The following PCSK2 variants were observed in gnomAD, a reference collection of about 807,000 sequenced individuals.
PCSK2 encodes the protein proprotein convertase subtilisin/kexin type 2, also known as neuroendocrine convertase 2.
In PCSK2, 14 loss-of-function variants were observed where a neutral mutation model predicts 69.7. The ratio of observed to expected loss-of-function variants is 0.20; its 90% CI spans 0.13 to 0.31. The LOEUF is 0.31. Ranked by LOEUF, PCSK2 falls within the 10% of genes least tolerant of loss-of-function variation. The pLI is 1.00. For missense variants in PCSK2, 544 were observed against 842.5 expected (o/e 0.65, Z 4.39); for synonymous variants, 307 against 320.7 (o/e 0.96, Z 0.46).
At chr20:17,342,231 CATT>C (rs1408397676) in intron 2 of PCSK2, among the ~76,000 whole-genome samples, 2 of 152,224 alleles carry the variant, frequency 1.3e-5, no homozygotes, top group African/African-American at 4.8e-5. Flanking sequence ...TTCCAAGAAA[CATT>C]GTTGAGATGG....
intron 7 of PCSK2, among the ~76,000 whole-genome samples, chr20:17,431,087 G>A (rs1473660254): frequency 6.6e-6 from 1 of 152,054 alleles, no homozygotes; most frequent in African/African-American, 2.4e-5. Flanking sequence ...CAAGGATTCC[G>A]GGCAAGCAGT....
At chr20:17,454,724 T>C (rs2032886713) in intron 9 of PCSK2, among the ~76,000 whole-genome samples, 1 of 152,196 alleles carries the variant, frequency 6.6e-6, no homozygotes, top group African/African-American at 2.4e-5. Context: ...GGTGGTTCAG[T>C]AGTCATGCAT....
chr20:17,320,488 CA>C (rs1989830625), intron 2 of PCSK2, among the ~76,000 whole-genome samples: 1 of 152,204 alleles, frequency 6.6e-6, no homozygotes, highest in African/African-American at 2.4e-5. Flanking sequence ...GTTCCTCAGG[CA>C]GCACCAATGT....
intron 4 of PCSK2, among the ~76,000 whole-genome samples, chr20:17,361,892 C>T (rs370768065): frequency 6.8e-4 from 103 of 152,266 alleles, no homozygotes; most frequent in Middle Eastern, 3.4e-3. Flanking sequence ...CACACTTGTT[C>T]TTGAAAACTG....
rs900200517 is a variant in PCSK2 at position 17,300,907 on chromosome 20, A to G, written c.282+40563A>G. Among the ~76,000 whole-genome samples the G allele has an allele frequency of 2.0e-5, 3 of 152,312 alleles. No homozygotes were observed. In the East Asian group the frequency reaches 5.8e-4, roughly 29 times the overall value. On this transcript the variant is annotated intron_variant, in intron 2 of 11. Transcript: ENST00000262545. ...CAAAATTATATTACTCATAAAATAA[A>G]TTTGTATTTAGGAGAGGCATAATTT...
At chr20:17,440,384 C>A (rs1361590571) in intron 8 of PCSK2, among the ~76,000 whole-genome samples, 1 of 152,292 alleles carries the variant, frequency 6.6e-6, no homozygotes, top group East Asian at 1.9e-4. Context: ...TTTCTTAAAA[C>A]CTACAATGAA....
At chr20:17,409,759 C>G (rs2031829914) in intron 6 of PCSK2, among the ~76,000 whole-genome samples, 1 of 152,162 alleles carries the variant, frequency 6.6e-6, no homozygotes, top group South Asian at 2.1e-4. Context: ...CATAACAGCT[C>G]ATGGAGTCCC....
chr20:17,383,107 C>G (rs1171526627), intron 5 of PCSK2, among the ~76,000 whole-genome samples: 1 of 152,214 alleles, frequency 6.6e-6, no homozygotes, highest in East Asian at 1.9e-4. Context: ...AGCACCATGG[C>G]TGGAACCAAG....
At chr20:17,304,720 T>G (rs1186149693) in intron 2 of PCSK2, among the ~76,000 whole-genome samples, 1 of 152,230 alleles carries the variant, frequency 6.6e-6, no homozygotes, top group Admixed American at 6.5e-5. Context: ...TTCTTAATTG[T>G]GTGACCATGT....
At chr20:17,383,261 T>C (rs1223780953) in intron 5 of PCSK2, among the ~76,000 whole-genome samples, 1 of 152,252 alleles carries the variant, frequency 6.6e-6, no homozygotes, top group Non-Finnish European at 1.5e-5. Flanking sequence ...CTTTTTGCTA[T>C]GCTTCTCCTT....
At chr20:17,356,752 C>T (rs2030211206) in intron 2 of PCSK2, among the ~76,000 whole-genome samples, 1 of 152,128 alleles carries the variant, frequency 6.6e-6, no homozygotes, top group Non-Finnish European at 1.5e-5. Context: ...GGCTGGGTTG[C>T]AGGAACATAG....
intron 6 of PCSK2, among the ~76,000 whole-genome samples, chr20:17,416,259 T>A (rs2031996929): frequency 6.6e-6 from 1 of 151,944 alleles, no homozygotes; most frequent in Non-Finnish European, 1.5e-5. Context: ...TGGGAGAAAA[T>A]TTTTGCAATC....
At chr20:17,250,003 T>A (rs189315576) in intron 1 of PCSK2, among the ~76,000 whole-genome samples, 4 of 152,312 alleles carry the variant, frequency 2.6e-5, no homozygotes, top group African/African-American at 9.6e-5. Context: ...ATGTTATATA[T>A]ATTTATCACA....
At chr20:17,236,971 T>C (rs1986365019) in intron 1 of PCSK2, among the ~76,000 whole-genome samples, 1 of 150,648 alleles carries the variant, frequency 6.6e-6, no homozygotes. Context: ...AGAGAGGGAG[T>C]GGACAAAGGA....
intron 5 of PCSK2, among the ~76,000 whole-genome samples, chr20:17,382,694 C>T (rs1487045126): frequency 6.6e-6 from 1 of 152,106 alleles, no homozygotes; most frequent in African/African-American, 2.4e-5. Flanking sequence ...CACTCTTACC[C>T]TCTGCAATGC....
chr20:17,362,672 T>C (rs894615287), intron 4 of PCSK2, among the ~76,000 whole-genome samples: 1 of 152,196 alleles, frequency 6.6e-6, no homozygotes, highest in African/African-American at 2.4e-5. Flanking sequence ...CTGCCAGTCC[T>C]CTTAAAGGCT....
chr20:17,466,890 A>G (rs753085628), intron 11 of PCSK2, among the ~76,000 whole-genome samples: 6 of 152,088 alleles, frequency 3.9e-5, no homozygotes. Context: ...TTCAGACTGG[A>G]CTGTGTCCAG....
At chr20:17,251,111 A>C (rs1986961026) in intron 1 of PCSK2, among the ~76,000 whole-genome samples, 1 of 152,152 alleles carries the variant, frequency 6.6e-6, no homozygotes, top group African/African-American at 2.4e-5. Context: ...TTAAAAGTAA[A>C]AAAAAAATTA....
At chr20:17,398,758 G>T (rs934885680) in intron 5 of PCSK2, among the ~76,000 whole-genome samples, 1 of 143,952 alleles carries the variant, frequency 6.9e-6, no homozygotes, top group South Asian at 2.2e-4. Context: ...TTGGAGGTTT[G>T]TTTTTTTTTT....
Sources: allele counts gnomAD v4.1 joint callset (sites outside exome capture counted in the v4.1 genomes callset), GRCh38; gene constraint gnomAD v4.1.1; transcripts MANE v1.5; gene names NCBI Gene and HGNC (gene_info 2026-07-23, HGNC 2026-07-21).